Variants in CEP63 observed in about 807,000 individuals in gnomAD.
The protein encoded by CEP63 is centrosomal protein 63.
A neutral mutation model predicts 89.1 loss-of-function variants in CEP63; 84 were observed. The observed-to-expected ratio is 0.94, with a 90% confidence interval of 0.79 to 1.13. The LOEUF is 1.13. CEP63 is among the 50% of genes most tolerant of loss of function. The pLI is 0.00. For missense variants in CEP63, 838 were observed against 813.3 expected (o/e 1.03, Z -0.37); for synonymous variants, 267 against 272.5 (o/e 0.98, Z 0.20).
chr3:134,519,414 G>A (rs961718480), intron 3 of CEP63, among the ~76,000 whole-genome samples: 3 of 152,068 alleles, frequency 2.0e-5, no homozygotes, highest in Non-Finnish European at 4.4e-5. Context: ...GATTACAGGC[G>A]TGAGCCACCA....
chr3:134,601,173 A>AT, the CEP63 span: 5 of 152,080 alleles, frequency 3.3e-5, no homozygotes, highest in African/African-American at 4.8e-5. Flanking sequence ...CATTTCATGT[A>AT]TTTTTACTTC....
intron 2 of CEP63, among the ~76,000 whole-genome samples, chr3:134,502,123 A>C (rs1301471951): frequency 1.3e-5 from 2 of 152,130 alleles, no homozygotes; most frequent in Non-Finnish European, 2.9e-5. Flanking sequence ...TTATGTGATG[A>C]ATCACATTTA....
chr3:134,509,954 C>T (rs1461656184), intron 3 of CEP63, among the ~76,000 whole-genome samples: 1 of 152,162 alleles, frequency 6.6e-6, no homozygotes, highest in Non-Finnish European at 1.5e-5. Context: ...TACAAAGTGC[C>T]TTGTGTTTCT....
chr3:134,605,146 G>A, the CEP63 span, among the ~76,000 whole-genome samples: 1 of 151,974 alleles, frequency 6.6e-6, no homozygotes, highest in Non-Finnish European at 1.5e-5. Context: ...CCCTTGCTCT[G>A]AAGTTTCATC....
chr3:134,537,119 G>A, intron 5 of CEP63, 36 bp from the exon 6 acceptor site: 2 of 1,252,378 alleles, frequency 1.6e-6, no homozygotes, highest in Non-Finnish European at 2.4e-6. Context: ...GTGAGGAGAA[G>A]CACTCAGAAA....
chr3:134,493,744 C>T lies in CEP63; in HGVS notation c.-25-1552C>T, dbSNP rs75897337. Among the ~76,000 whole-genome samples, 1,132 of 152,236 alleles carry T rather than the reference C, an allele frequency of 7.4e-3. 23 individuals carry two copies. Among genetic ancestry groups the T allele is most frequent in the South Asian group, 0.074 (355 of 4,826 alleles). ...TTGGCTCATTTTTTTCTGTCCCATA[C>T]TAGACTATTAATACCTTGAAAGGGG... On this transcript the variant is annotated intron_variant, in intron 1 of 14. Transcript: ENST00000675561.
chr3:134,580,770 G>A (rs1958327686), intron 10 of CEP63, among the ~76,000 whole-genome samples: 1 of 152,152 alleles, frequency 6.6e-6, no homozygotes, highest in Non-Finnish European at 1.5e-5. Flanking sequence ...AAAAAATAGA[G>A]TTCACCACAT....
intron 11 of CEP63, among the ~76,000 whole-genome samples, chr3:134,571,612 C>T (rs953027147): frequency 4.6e-5 from 7 of 152,062 alleles, no homozygotes; most frequent in Non-Finnish European, 8.8e-5. Context: ...ACCCAGGAGG[C>T]GGAGCTTGCA....
At chr3:134,578,194 A>C (rs1165533527), downstream of CEP63, among the ~76,000 whole-genome samples, 1 of 152,194 alleles carries the variant, frequency 6.6e-6, no homozygotes, top group Admixed American at 6.5e-5. Context: ...AGGAATCACC[A>C]TGCTATCTTC....
chr3:134,649,096 C>T, the CEP63 span, among the ~76,000 whole-genome samples: 1 of 152,202 alleles, frequency 6.6e-6, no homozygotes, highest in South Asian at 2.1e-4. Context: ...ATGCACTTTT[C>T]CTCTTCTCTG....
At chr3:134,643,829 CTT>C in the CEP63 span, among the ~76,000 whole-genome samples, 13 of 143,044 alleles carry the variant, frequency 9.1e-5, no homozygotes, top group Non-Finnish European at 9.1e-5. Context: ...TCTCCTGCTT[CTT>C]TTTTTTTTTT....
chr3:134,685,242 T>C, the CEP63 span, among the ~76,000 whole-genome samples: 1 of 152,028 alleles, frequency 6.6e-6, no homozygotes, highest in African/African-American at 2.4e-5. Flanking sequence ...TTAAACTACG[T>C]TGAGATGAAG....
the CEP63 span, among the ~76,000 whole-genome samples, chr3:134,689,002 A>G: frequency 1.3e-5 from 2 of 152,186 alleles, no homozygotes; most frequent in African/African-American, 4.8e-5. Context: ...TTGATTTCAT[A>G]TAGGTGTGGT....
chr3:134,664,241 A>C, the CEP63 span, among the ~76,000 whole-genome samples: 2 of 152,338 alleles, frequency 1.3e-5, no homozygotes, highest in African/African-American at 4.8e-5. Flanking sequence ...TTGAAGTCCC[A>C]GCATTCCCAA....
At chr3:134,731,548 A>T in the CEP63 span, among the ~76,000 whole-genome samples, 1 of 152,212 alleles carries the variant, frequency 6.6e-6, no homozygotes, top group Admixed American at 6.5e-5. Flanking sequence ...CTTTTAAAAT[A>T]CTTAGAGTAA....
chr3:134,568,765 T>G (rs1957892985), downstream of CEP63, among the ~76,000 whole-genome samples: 1 of 152,236 alleles, frequency 6.6e-6, no homozygotes, highest in Non-Finnish European at 1.5e-5. Flanking sequence ...CCAGGCAAAG[T>G]CATTCCTTAA....
At chr3:134,520,313 C>G (rs985113342) in intron 3 of CEP63, among the ~76,000 whole-genome samples, 1 of 152,046 alleles carries the variant, frequency 6.6e-6, no homozygotes, top group Non-Finnish European at 1.5e-5. Flanking sequence ...AAAAAAGATA[C>G]CCTTGACAAG....
chr3:134,708,887 C>CT, the CEP63 span, among the ~76,000 whole-genome samples: 1 of 151,778 alleles, frequency 6.6e-6, no homozygotes, highest in Non-Finnish European at 1.5e-5. Flanking sequence ...GAGTGTGTGT[C>CT]TGGAAGGCTA....
downstream of CEP63, among the ~76,000 whole-genome samples, chr3:134,588,248 G>A (rs1000138026): frequency 2.3e-3 from 346 of 151,904 alleles, 3 homozygotes; most frequent in Non-Finnish European, 2.5e-4. Flanking sequence ...GAGACAGTGC[G>A]GCTGCACTCC....
Sources: gnomAD v4.1 joint callset for allele counts (sites outside exome capture counted in the v4.1 genomes callset) on GRCh38, gnomAD v4.1.1 for gene constraint, MANE v1.5 for transcripts, NCBI Gene and HGNC (gene_info 2026-07-23, HGNC 2026-07-21) for gene names.